Variants in SNX25 observed in about 807,000 individuals in gnomAD.
SNX25 encodes sorting nexin 25, also known as sorting nexin-25.
SNX25 carries 62 observed loss-of-function variants against 113.7 expected under a neutral mutation model. That is an observed-to-expected ratio of 0.55 (90% CI 0.44 to 0.67). The LOEUF is 0.67. Among genes scored for constraint, SNX25 ranks in the 30% least tolerant of loss-of-function variants. The pLI, the probability that SNX25 is intolerant of heterozygous loss-of-function variation, is 0.00. For missense variants in SNX25, 1,014 were observed against 1,161.0 expected (o/e 0.87, Z 1.84); for synonymous variants, 421 against 436.2 (o/e 0.97, Z 0.43).
chr4:185,346,385 T>C (rs1202397577), intron 12 of SNX25, 152 bp from the exon 13 acceptor site: 6 of 600,244 alleles, frequency 1.0e-5, no homozygotes, highest in Admixed American at 7.5e-5. Flanking sequence ...TTCCTCCCAA[T>C]TCTTCGAGCC....
intron 5 of SNX25, among the ~76,000 whole-genome samples, chr4:185,274,110 G>C (rs1749324386): frequency 6.6e-6 from 1 of 151,542 alleles, no homozygotes; most frequent in South Asian, 2.1e-4. Flanking sequence ...ACCCAGGCAG[G>C]GATGCAGTGG....
intron 1 of SNX25, among the ~76,000 whole-genome samples, chr4:185,222,449 C>A (rs3108262): frequency 1.4e-5 from 2 of 143,226 alleles, no homozygotes; most frequent in African/African-American, 5.2e-5. Flanking sequence ...ACCCCTCCCT[C>A]GCGGTAGGTA....
At chr4:185,217,297 G>A (rs535523902) in intron 1 of SNX25, among the ~76,000 whole-genome samples, 112 of 152,010 alleles carry the variant, frequency 7.4e-4, no homozygotes, top group Non-Finnish European at 1.4e-3. Context: ...ATGATAAAAA[G>A]TGAGAGTTAA....
At chr4:185,239,283 A>G (rs1445959605) in intron 1 of SNX25, among the ~76,000 whole-genome samples, 2 of 151,710 alleles carry the variant, frequency 1.3e-5, no homozygotes, top group South Asian at 2.1e-4. Context: ...GGAGATCGAG[A>G]CCATCCTGGC....
At chr4:185,326,429 A>G (rs2095157714) in intron 9 of SNX25, among the ~76,000 whole-genome samples, 1 of 152,208 alleles carries the variant, frequency 6.6e-6, no homozygotes, top group Non-Finnish European at 1.5e-5. Context: ...CCTTCTAAAG[A>G]GGACCAAAAC....
At chr4:185,223,065 A>G (rs941067057) in intron 1 of SNX25, among the ~76,000 whole-genome samples, 5 of 152,182 alleles carry the variant, frequency 3.3e-5, no homozygotes, top group African/African-American at 4.8e-5. Context: ...AAATAGATGT[A>G]TAGATGGATG....
At chr4:185,254,776 G>A (rs1420834041) in intron 2 of SNX25, among the ~76,000 whole-genome samples, 1 of 152,148 alleles carries the variant, frequency 6.6e-6, no homozygotes, top group East Asian at 1.9e-4. Flanking sequence ...TTCTTTGAGA[G>A]CAGTTCTAAA....
At chr4:185,360,918 CA>C (rs972994015) in intron 16 of SNX25, among the ~76,000 whole-genome samples, 22 of 115,922 alleles carry the variant, frequency 1.9e-4, no homozygotes, top group African/African-American at 3.0e-4. Flanking sequence ...GACTCCGTCT[CA>C]AAAAAAAAAT....
rs1297673655 is a variant in SNX25, at chr4:185,224,524, TATAC to T, written c.429+14273_429+14276del. ...ATAAATATATAGATATATAAATATA[TATAC>T]ATATATATAAATATATATACATATA... On this transcript the variant is annotated intron_variant, in intron 1 of 18. Coordinates refer to ENST00000652585, the MANE Select transcript of SNX25 (RefSeq NM_001378034.2). Among the ~76,000 whole-genome samples, 586 of 103,686 alleles carry T rather than the reference TATAC, an allele frequency of 5.7e-3. 5 individuals are homozygous for T. The highest frequency in any genetic ancestry group is 0.02 in the African/African-American group (556 of 27,162). 68.0% of individuals were successfully genotyped at this position (103,686 alleles called of 152,430 possible).
At chr4:185,242,214 C>G (rs990323699) in intron 1 of SNX25, among the ~76,000 whole-genome samples, 1 of 152,146 alleles carries the variant, frequency 6.6e-6, no homozygotes, top group Non-Finnish European at 1.5e-5. Flanking sequence ...CAAACATAAA[C>G]ATAGAAGATT....
rs201549191 is a variant in SNX25 at position 185,339,424 on chromosome 4, C to T, written c.1960C>T (p.Arg654Cys). Reference protein sequence around the residue: ...KDEIILIEKERTDLQLHMART... With the variant: ...KDEIILIEKECTDLQLHMART... ...TGAAATAATCCTAATAGAGAAAGAACGCACAGACCTTCAGCTGCACATGGC... is the reference window on the plus strand; with the variant it reads ...TGAAATAATCCTAATAGAGAAAGAATGCACAGACCTTCAGCTGCACATGGC... Residue 654 changes from arginine (R) to cysteine (C), a missense_variant, in exon 11 of 19, where the codon CGC becomes TGC. Coordinates refer to ENST00000652585, the MANE Select transcript of SNX25 (RefSeq NM_001378034.2). The T allele has an allele frequency of 3.0e-5, 48 of 1,613,998 alleles. No homozygotes were observed. The highest frequency in any genetic ancestry group is 1.8e-4 in the South Asian group (16 of 91,076).
chr4:185,239,318 C>G (rs759056694), intron 1 of SNX25, among the ~76,000 whole-genome samples: 1 of 151,930 alleles, frequency 6.6e-6, no homozygotes, highest in Admixed American at 6.6e-5. Context: ...TCCGTCTCTA[C>G]TAAAAATGCA....
At chr4:185,296,942 T>C (rs1449117345) in intron 6 of SNX25, among the ~76,000 whole-genome samples, 1 of 152,208 alleles carries the variant, frequency 6.6e-6, no homozygotes, top group Non-Finnish European at 1.5e-5. Flanking sequence ...ATGGGCTTTT[T>C]TCAGTGTTCA....
rs180699709 is a variant in SNX25 at position 185,254,723 on chromosome 4, T to A, written c.515-4125T>A. Among the ~76,000 whole-genome samples, 150 of 152,334 alleles carry A rather than the reference T, an allele frequency of 9.8e-4. 1 individual carries two copies. Among genetic ancestry groups the A allele is most frequent in the Admixed American group, 4.2e-3 (64 of 15,300 alleles). On this transcript the variant is annotated intron_variant, in intron 2 of 18. Transcript: ENST00000652585. ...AAACTAAAGTTCCAATCATGTTACT[T>A]CATTCTCTCTCATCTCCAGTGGCCT...
chr4:185,361,830 G>C (rs1316127928), intron 16 of SNX25, 94 bp from the exon 17 acceptor site: 1 of 1,125,446 alleles, frequency 8.9e-7, no homozygotes, highest in Non-Finnish European at 1.3e-6. Flanking sequence ...CTTAGATCAG[G>C]CTGTATCTTA....
chr4:185,235,595 G>C (rs1446277268), intron 1 of SNX25, among the ~76,000 whole-genome samples: 1 of 152,190 alleles, frequency 6.6e-6, no homozygotes, highest in Non-Finnish European at 1.5e-5. Context: ...TCAGCCGATA[G>C]AAGACTCGCC....
At chr4:185,372,628 C>T (rs1006797178), downstream of SNX25, among the ~76,000 whole-genome samples, 5 of 152,088 alleles carry the variant, frequency 3.3e-5, no homozygotes, top group Admixed American at 2.6e-4. Context: ...TCTTAAGAGG[C>T]GACGAGGCCA....
At chr4:185,266,291 G>A (rs907199818) in intron 4 of SNX25, among the ~76,000 whole-genome samples, 5 of 152,130 alleles carry the variant, frequency 3.3e-5, no homozygotes, top group Non-Finnish European at 5.9e-5. Context: ...GACTAAGCTT[G>A]TCAAAACGTA....
intron 1 of SNX25, among the ~76,000 whole-genome samples, chr4:185,220,061 A>T (rs533306848): frequency 6.6e-6 from 1 of 152,146 alleles, no homozygotes; most frequent in Non-Finnish European, 1.5e-5. Flanking sequence ...ACTTTAGGGC[A>T]GTCTCAACTT....
Sources: allele counts gnomAD v4.1 joint callset (sites outside exome capture counted in the v4.1 genomes callset), GRCh38; gene constraint gnomAD v4.1.1; transcripts MANE v1.5; gene names NCBI Gene and HGNC (gene_info 2026-07-23, HGNC 2026-07-21).